The following RDX variants were observed in gnomAD, a reference collection of about 807,000 sequenced individuals.
RDX encodes deafness, autosomal recessive 24.
RDX carries 32 observed loss-of-function variants against 83.7 expected under a neutral mutation model. The ratio of observed to expected loss-of-function variants is 0.38; its 90% CI spans 0.29 to 0.51. The LOEUF (loss-of-function observed/expected upper bound fraction) is 0.51, where lower values mean the gene tolerates loss of function less well. Ranked by LOEUF, RDX falls within the 20% of genes least tolerant of loss-of-function variation. The pLI, the probability that RDX is intolerant of heterozygous loss-of-function variation, is 0.87. For missense variants in RDX, 600 were observed against 689.9 expected (o/e 0.87, Z 1.46); for synonymous variants, 229 against 222.7 (o/e 1.03, Z -0.25).
At chr11:110,285,313 A>G (rs942585187) in intron 1 of RDX, among the ~76,000 whole-genome samples, 1 of 152,160 alleles carries the variant, frequency 6.6e-6, no homozygotes, top group Non-Finnish European at 1.5e-5. Flanking sequence ...CGAACCTGGG[A>G]GGCAGGGGCT....
chr11:110,280,772 G>A (rs1301282449), intron 1 of RDX, among the ~76,000 whole-genome samples: 1 of 152,216 alleles, frequency 6.6e-6, no homozygotes, highest in African/African-American at 2.4e-5. Context: ...AAGCTGCAGT[G>A]AGCGGTGATC....
chr11:110,268,314 A>G (rs1170987614), intron 3 of RDX, among the ~76,000 whole-genome samples: 5 of 148,802 alleles, frequency 3.4e-5, no homozygotes, highest in African/African-American at 9.8e-5. Flanking sequence ...GTTTCGGGGA[A>G]AAAAAAAAAA....
At chr11:110,176,561 G>GA (rs1263554265) in intron 15 of RDX, among the ~76,000 whole-genome samples, 1 of 152,200 alleles carries the variant, frequency 6.6e-6, no homozygotes, top group African/African-American at 2.4e-5. Context: ...GGCAGATGGG[G>GA]AAAGAGGAAG....
At chr11:110,177,695 G>T (rs1862803350) in intron 15 of RDX, among the ~76,000 whole-genome samples, 1 of 151,994 alleles carries the variant, frequency 6.6e-6, no homozygotes, top group Non-Finnish European at 1.5e-5. Flanking sequence ...TGTTGGCCAG[G>T]CTGGTCTCGA....
chr11:110,183,448 C>T (rs1862927486), intron 15 of RDX, among the ~76,000 whole-genome samples: 3 of 152,210 alleles, frequency 2.0e-5, no homozygotes, highest in Non-Finnish European at 2.9e-5. Flanking sequence ...CCACCTCAGT[C>T]TCCTAAATAG....
intron 15 of RDX, among the ~76,000 whole-genome samples, chr11:110,195,112 TC>T (rs1462470672): frequency 6.6e-6 from 1 of 152,126 alleles, no homozygotes; most frequent in Non-Finnish European, 1.5e-5. Flanking sequence ...TGCCTCAGCC[TC>T]CCGAGTAGCT....
rs1159679094 is a variant in RDX at position 110,236,105 on chromosome 11, T to C, written c.1338A>G (p.Gln446=). The C allele has an allele frequency of 1.2e-6, 2 of 1,607,906 alleles. No individual in the cohort carries two copies. The highest frequency in any genetic ancestry group is 1.7e-6 in the Non-Finnish European group (2 of 1,176,218). The change falls in exon 12 of 14, where the codon CAA becomes CAG. Residue 446 remains glutamine (Q), a synonymous_variant. Coordinates refer to ENST00000645495, the MANE Select transcript of RDX (RefSeq NM_002906.4). ...KKKEEEATEW[Q]HKAFAAQEDL... ...TAAATGAATAAATGATTACTTTGTGTTGCCACTCAGTAGCTTCCTCTTCCT... is the reference window on the plus strand; with the variant it reads ...TAAATGAATAAATGATTACTTTGTGCTGCCACTCAGTAGCTTCCTCTTCCT...
chr11:110,244,190 C>T (rs551163025), intron 10 of RDX, among the ~76,000 whole-genome samples: 27 of 151,484 alleles, frequency 1.8e-4, no homozygotes, highest in African/African-American at 1.5e-4. Context: ...GGCGAAACCC[C>T]GTCTCTACTA....
At chr11:110,266,784 T>C (rs1313725501) in intron 3 of RDX, among the ~76,000 whole-genome samples, 1 of 152,126 alleles carries the variant, frequency 6.6e-6, no homozygotes, top group Non-Finnish European at 1.5e-5. Context: ...GCAGGGGTCT[T>C]GCTATGTCGC....
intron 5 of RDX, among the ~76,000 whole-genome samples, chr11:110,261,210 G>T (rs1357601520): frequency 6.6e-6 from 1 of 152,080 alleles, no homozygotes. Context: ...AAACTCAATA[G>T]GTTCAAAACT....
chr11:110,280,241 A>AT (rs558359776), intron 1 of RDX, among the ~76,000 whole-genome samples: 69 of 148,748 alleles, frequency 4.6e-4, no homozygotes, highest in African/African-American at 1.2e-3. Context: ...GAAGAAACTA[A>AT]TTTTTTTTTT....
intron 1 of RDX, among the ~76,000 whole-genome samples, chr11:110,282,890 T>C (rs900398987): frequency 1.3e-5 from 2 of 152,110 alleles, no homozygotes; most frequent in African/African-American, 2.4e-5. Flanking sequence ...GGCAGGAAGA[T>C]CACTTGAGCC....
chr11:110,231,576 G>A lies in RDX; in HGVS notation c.*293C>T. 2.4e-6 allele frequency: 1 copy of A among 415,600 alleles called. No homozygotes were observed. Among genetic ancestry groups the A allele is most frequent in the Non-Finnish European group, 4.5e-6 (1 of 223,956 alleles). 25.7% of individuals were successfully genotyped at this position (415,600 alleles called of 1,614,324 possible). On this transcript the variant is annotated 3_prime_UTR_variant, in exon 14 of 14. Coordinates refer to ENST00000645495, the MANE Select transcript of RDX (RefSeq NM_002906.4). ...CCACACATACACATTTGTCAGACGT[G>A]ATAATTAGTGTTAATCTTCAACAGA...
At chr11:110,243,675 G>A (rs890299951) in intron 10 of RDX, among the ~76,000 whole-genome samples, 4 of 151,946 alleles carry the variant, frequency 2.6e-5, no homozygotes, top group African/African-American at 4.8e-5. Context: ...CCGCGATCAT[G>A]CCACTGCACT....
chr11:110,295,066 G>A (rs182499266), intron 1 of RDX, among the ~76,000 whole-genome samples: 16 of 152,254 alleles, frequency 1.1e-4, no homozygotes, highest in African/African-American at 3.9e-4. Flanking sequence ...ACTTCAAAAG[G>A]AGTGTTTTAC....
In RDX at chr11:110,258,132, C is replaced by T; in HGVS notation, c.525G>A (p.Trp175Ter). 1 of 1,611,318 alleles carries T rather than the reference C, an allele frequency of 6.2e-7. No homozygotes were observed. The highest frequency in any genetic ancestry group is 1.1e-5 in the South Asian group (1 of 90,774). Residue 175 changes from tryptophan (W) to a stop codon, truncating the protein, a stop_gained, in exon 6 of 14, where the codon TGG becomes TGA. Coordinates refer to ENST00000645495, the MANE Select transcript of RDX (RefSeq NM_002906.4). LOFTEE classifies it high-confidence loss of function. ...KEQWEERIQN[W>*]HEEHRGMLRE... ...TTAACATTCCTCTATGTTCTTCATG[C>T]CAGTTCTGTATTCTTTCTTCCCACT...
At chr11:110,237,872 A>G in intron 10 of RDX, 2 of 603,152 alleles carry the variant, frequency 3.3e-6, no homozygotes, top group Non-Finnish European at 3.1e-6. Flanking sequence ...CATGGGCTCG[A>G]GCAATCCTCC....
At chr11:110,199,526 G>A in intron 15 of RDX, 1 of 699,950 alleles carries the variant, frequency 1.4e-6, no homozygotes, top group Non-Finnish European at 2.6e-6. Flanking sequence ...GGAAGGTGTG[G>A]CAGGTCTAGT....
intron 9 of RDX, among the ~76,000 whole-genome samples, chr11:110,249,953 C>T (rs1328290784): frequency 1.3e-5 from 2 of 152,126 alleles, no homozygotes; most frequent in Non-Finnish European, 2.9e-5. Flanking sequence ...GTTCCCTATG[C>T]CTACGAGGTA....
Sources: gnomAD v4.1 joint callset for allele counts (sites outside exome capture counted in the v4.1 genomes callset) on GRCh38, gnomAD v4.1.1 for gene constraint, MANE v1.5 for transcripts, NCBI Gene and HGNC (gene_info 2026-07-23, HGNC 2026-07-21) for gene names.